Variants in PHAF1 observed in about 807,000 individuals in gnomAD.
The protein encoded by PHAF1 is phagosome assembly factor 1.
PHAF1 carries 23 observed loss-of-function variants against 63.1 expected under a neutral mutation model. The ratio of observed to expected loss-of-function variants is 0.36; its 90% CI spans 0.26 to 0.52. PHAF1 has a LOEUF of 0.52. Ranked by LOEUF, PHAF1 falls within the 20% of genes least tolerant of loss-of-function variation. PHAF1 has a pLI of 0.93. For missense variants in PHAF1, 427 were observed against 517.2 expected (o/e 0.83, Z 1.69); for synonymous variants, 167 against 185.0 (o/e 0.90, Z 0.79).
intron 10 of PHAF1, 45 bp downstream of exon 10, chr16:67,140,639 G>A: frequency 7.2e-7 from 1 of 1,382,822 alleles, no homozygotes; most frequent in Non-Finnish European, 1.0e-6. Context: ...CTATTGGGGT[G>A]GGCAGTGCAT....
At position 67,140,087 on chromosome 16, in the gene PHAF1, A is replaced by G; in HGVS notation, c.765A>G (p.Pro255=). Residue 255 remains proline, a synonymous_variant, in exon 9 of 16, where the codon CCA becomes CCG. Transcript: ENST00000219139. The part of the protein sequence containing the change: ...CQDVLSMLGS[P]HKVFYKSEDK... The stretch of plus-strand genomic sequence containing the variant: ...ATGTTCTTAGCATGCTTGGCTCTCC[A>G]CACAAAGTCTTCTATAAATCAGAAG... 1.2e-6 allele frequency: 2 copies of G among 1,614,110 alleles called. No individual in the cohort carries two copies. Among genetic ancestry groups the G allele is most frequent in the Non-Finnish European group, 1.7e-6 (2 of 1,180,002 alleles).
At chr16:67,116,505 T>G (rs1962736731) in intron 1 of PHAF1, among the ~76,000 whole-genome samples, 1 of 152,216 alleles carries the variant, frequency 6.6e-6, no homozygotes, top group South Asian at 2.1e-4. Flanking sequence ...TCCTTTCTCT[T>G]GTCACCCACT....
At chr16:67,117,455 G>A (rs957680584) in intron 1 of PHAF1, among the ~76,000 whole-genome samples, 2 of 151,492 alleles carry the variant, frequency 1.3e-5, no homozygotes, top group Admixed American at 1.3e-4. Context: ...CTTATAATGG[G>A]CCATGAGTTA....
At chr16:67,116,265 A>G (rs1962727689) in intron 1 of PHAF1, among the ~76,000 whole-genome samples, 1 of 152,240 alleles carries the variant, frequency 6.6e-6, no homozygotes, top group South Asian at 2.1e-4. Context: ...TTTAAAGATT[A>G]TAAGTCAGCC....
intron 3 of PHAF1, among the ~76,000 whole-genome samples, chr16:67,127,252 T>C (rs1250614130): frequency 6.6e-6 from 1 of 152,134 alleles, no homozygotes; most frequent in Non-Finnish European, 1.5e-5. Flanking sequence ...CTCAAAGTCA[T>C]GAGGTTGGAT....
chr16:67,140,646 G>A (rs1963774800), intron 10 of PHAF1, 52 bp downstream of exon 10: 1 of 1,317,634 alleles, frequency 7.6e-7, no homozygotes, highest in Non-Finnish European at 1.1e-6. Flanking sequence ...GGTGGGCAGT[G>A]CATCTTTGCA....
At chr16:67,145,513 G>C in intron 13 of PHAF1, 57 bp from the exon 14 acceptor site, 1 of 1,612,550 alleles carries the variant, frequency 6.2e-7, no homozygotes, top group South Asian at 1.1e-5. Context: ...GCCAGCCATT[G>C]GTCACAGACA....
At chr16:67,123,480 A>G (rs9673272) in intron 2 of PHAF1, among the ~76,000 whole-genome samples, 11,419 of 152,072 alleles carry the variant, frequency 0.075, 1,309 homozygotes, top group African/African-American at 0.25. Flanking sequence ...GGGAGGCTGG[A>G]GCAGGAGAAT....
At chr16:67,127,047 C>A (rs1037908990) in intron 3 of PHAF1, among the ~76,000 whole-genome samples, 3 of 151,656 alleles carry the variant, frequency 2.0e-5, no homozygotes, top group Non-Finnish European at 4.4e-5. Flanking sequence ...TGCCACTACG[C>A]CCAGCTAATT....
At chr16:67,110,391 C>G (rs957512261) in intron 1 of PHAF1, 152 bp downstream of exon 1, 46 of 826,872 alleles carry the variant, frequency 5.6e-5, no homozygotes, top group Non-Finnish European at 7.6e-5. Flanking sequence ...CACTAGATAC[C>G]CGCTCCAACT....
chr16:67,132,669 C>A, intron 5 of PHAF1, 144 bp downstream of exon 5: 1 of 1,198,178 alleles, frequency 8.3e-7, no homozygotes, highest in Non-Finnish European at 1.2e-6. Flanking sequence ...AGGAAACATC[C>A]TCCCCCTTGT....
At chr16:67,128,828 A>ATTAG (rs371586844) in intron 3 of PHAF1, among the ~76,000 whole-genome samples, 322 of 152,310 alleles carry the variant, frequency 2.1e-3, no homozygotes, top group African/African-American at 7.1e-3. Context: ...GTGCCCTGTG[A>ATTAG]TTAGCTCTGG....
chr16:67,124,329 A>C (rs1408788440), intron 2 of PHAF1, among the ~76,000 whole-genome samples: 1 of 152,240 alleles, frequency 6.6e-6, no homozygotes, highest in Non-Finnish European at 1.5e-5. Flanking sequence ...AATGGTTTAG[A>C]CATTCATATA....
At chr16:67,137,313 G>A (rs1567651237) in intron 8 of PHAF1, among the ~76,000 whole-genome samples, 1 of 152,048 alleles carries the variant, frequency 6.6e-6, no homozygotes, top group Non-Finnish European at 1.5e-5. Flanking sequence ...CTATGGTTTT[G>A]GGGTTTTTTG....
chr16:67,145,322 G>GC, intron 12 of PHAF1, 54 bp from the exon 13 acceptor site: 1 of 1,604,816 alleles, frequency 6.2e-7, no homozygotes. Flanking sequence ...TAGGGCTGGG[G>GC]CCACAGGTAG....
intron 6 of PHAF1, 42 bp from the exon 7 acceptor site, chr16:67,134,126 A>G (rs1402585056): frequency 6.6e-7 from 1 of 1,516,740 alleles, no homozygotes; most frequent in Non-Finnish European, 9.1e-7. Flanking sequence ...GAGTCCCATC[A>G]CCTGTTGTGC....
intron 2 of PHAF1, among the ~76,000 whole-genome samples, chr16:67,123,745 C>G (rs1027641364): frequency 6.6e-6 from 1 of 152,198 alleles, no homozygotes; most frequent in African/African-American, 2.4e-5. Context: ...CTTCTGCCTA[C>G]TTTATTCCCT....
At chr16:67,137,430 T>C (rs1963651297) in intron 8 of PHAF1, among the ~76,000 whole-genome samples, 1 of 151,960 alleles carries the variant, frequency 6.6e-6, no homozygotes, top group Admixed American at 6.6e-5. Context: ...GCGATTCTCA[T>C]GCCTCAGCCT....
At chr16:67,111,810 G>C (rs1962526551) in intron 1 of PHAF1, among the ~76,000 whole-genome samples, 1 of 152,178 alleles carries the variant, frequency 6.6e-6, no homozygotes, top group Admixed American at 6.5e-5. Context: ...TTTTAGTAGA[G>C]ATTGGGTTTC....
Sources: allele counts gnomAD v4.1 joint callset (sites outside exome capture counted in the v4.1 genomes callset), GRCh38; gene constraint gnomAD v4.1.1; transcripts MANE v1.5; gene names NCBI Gene and HGNC (gene_info 2026-07-23, HGNC 2026-07-21).